Variants in TENM1 observed in about 807,000 individuals in gnomAD.
TENM1 encodes teneurin transmembrane protein 1.
TENM1 carries 35 observed loss-of-function variants against 174.8 expected under a neutral mutation model. That is an observed-to-expected ratio of 0.20 (90% CI 0.15 to 0.27). TENM1 has a LOEUF of 0.27. TENM1 is among the 10% of genes least tolerant of loss of function. The probability of loss-of-function intolerance (pLI) is 1.00; values close to 1 mark genes in which losing one functional copy is unlikely to be tolerated. For synonymous variants in TENM1, 781 were observed against 798.7 expected, an observed-to-expected ratio of 0.98 and a Z score of 0.37; for missense variants, 1,633 against 2,130.1, an observed-to-expected ratio of 0.77 and a Z score of 4.59.
intron 3 of TENM1, among the ~76,000 whole-genome samples, chrX:124,830,404 G>A (rs1004996491): frequency 3.6e-5 from 4 of 112,060 alleles, no homozygotes; most frequent in East Asian, 5.6e-4. Context: ...AGTGAGAACT[G>A]AGAAGCAGTA....
chrX:124,767,029 T>C (rs2054551838), intron 3 of TENM1, among the ~76,000 whole-genome samples: 1 of 112,097 alleles, frequency 8.9e-6, no homozygotes, highest in Non-Finnish European at 1.9e-5. Flanking sequence ...CTTCATTATA[T>C]GTAACATATA....
chrX:125,152,577 A>C, the TENM1 span, among the ~76,000 whole-genome samples: 1 of 112,152 alleles, frequency 8.9e-6, no homozygotes, highest in Non-Finnish European at 1.9e-5. Context: ...AGTTCTAGGA[A>C]CATAAGGAAC....
the TENM1 span, among the ~76,000 whole-genome samples, chrX:125,041,245 A>T: frequency 1.8e-5 from 2 of 111,491 alleles, no homozygotes; most frequent in East Asian, 5.7e-4. Flanking sequence ...AAGTAGTAGA[A>T]ATTCAGATAA....
intron 11 of TENM1, among the ~76,000 whole-genome samples, chrX:124,607,964 G>T (rs948512327): frequency 5.4e-5 from 6 of 111,038 alleles, no homozygotes; most frequent in African/African-American, 2.0e-4. Context: ...TGATCCCAAG[G>T]TTTTGGGTCT....
intron 3 of TENM1, among the ~76,000 whole-genome samples, chrX:124,871,344 T>TGGTA (rs2057104659): frequency 9.0e-6 from 1 of 111,609 alleles, no homozygotes; most frequent in Non-Finnish European, 1.9e-5. Context: ...TGGACAAGGG[T>TGGTA]GGTAGCTGTG....
intron 10 of TENM1, among the ~76,000 whole-genome samples, chrX:124,644,147 T>G (rs1569361561): frequency 1.0e-5 from 1 of 98,250 alleles, no homozygotes; most frequent in African/African-American, 3.7e-5. Flanking sequence ...ATATATAAAT[T>G]TATATATATA....
chrX:125,172,040 G>A, the TENM1 span, among the ~76,000 whole-genome samples: 1 of 111,246 alleles, frequency 9.0e-6, no homozygotes, highest in Non-Finnish European at 1.9e-5. Context: ...TAATTTTAGT[G>A]GACAAGAAAA....
At chrX:124,545,847 C>T (rs1369955191) in intron 15 of TENM1, among the ~76,000 whole-genome samples, 1 of 111,083 alleles carries the variant, frequency 9.0e-6, no homozygotes, top group African/African-American at 3.3e-5. Flanking sequence ...TTGGGTTCTG[C>T]CAGAGACCTA....
rs16999341 is a variant in TENM1, at chrX:124,646,902, A to G, written c.1580-92T>C. 2,101 of 618,222 alleles carry G rather than the reference A, an allele frequency of 3.4e-3. 34 individuals carry two copies. In the African/African-American group the frequency reaches 0.044, roughly 13 times the overall value. The allele number at this position is 618,222 out of a possible 1,213,427, so 50.9% of individuals were successfully genotyped here. A position where few individuals can be genotyped will look rare whatever the true frequency, so the allele number is the denominator to read the frequency against. ...TTTAAGTTGCAGGAACTCTGGACCT[A>G]TGACAATTTTGCCCTTTGCTGTTTG... On this transcript the variant is annotated intron_variant, in intron 8 of 31. Coordinates refer to ENST00000422452, the Ensembl canonical transcript of TENM1.
At chrX:124,533,147 T>G (rs1247607945) in intron 15 of TENM1, among the ~76,000 whole-genome samples, 1 of 111,749 alleles carries the variant, frequency 8.9e-6, no homozygotes, top group East Asian at 2.8e-4. Context: ...GGAGCCTTCA[T>G]ATATATTCTT....
chrX:124,608,043 G>A (rs904164030), intron 11 of TENM1, among the ~76,000 whole-genome samples: 1 of 111,143 alleles, frequency 9.0e-6, no homozygotes, highest in African/African-American at 3.3e-5. Context: ...AGTATAAGGA[G>A]GATAAGTTAC....
At chrX:124,609,437 G>A (rs1442487350) in intron 11 of TENM1, among the ~76,000 whole-genome samples, 1 of 110,724 alleles carries the variant, frequency 9.0e-6, no homozygotes, top group South Asian at 3.8e-4. Flanking sequence ...GGTTTTGAGC[G>A]AGACATGCTA....
the TENM1 span, among the ~76,000 whole-genome samples, chrX:125,189,447 C>T: frequency 8.9e-6 from 1 of 112,284 alleles, no homozygotes; most frequent in African/African-American, 3.2e-5. Flanking sequence ...GCAAAAACAG[C>T]AGAAGCTATT....
At chrX:125,055,687 C>A in the TENM1 span, among the ~76,000 whole-genome samples, 2 of 111,748 alleles carry the variant, frequency 1.8e-5, no homozygotes, top group African/African-American at 6.5e-5. Flanking sequence ...AGGAACAGAC[C>A]AGTGCCGAGG....
the TENM1 span, among the ~76,000 whole-genome samples, chrX:125,018,841 A>G: frequency 8.9e-6 from 1 of 111,799 alleles, no homozygotes; most frequent in Non-Finnish European, 1.9e-5. Flanking sequence ...ATATGAGCGG[A>G]CAGATCTTAG....
At chrX:124,882,309 A>G (rs1267110158) in intron 3 of TENM1, among the ~76,000 whole-genome samples, 1 of 111,834 alleles carries the variant, frequency 8.9e-6, no homozygotes, top group Non-Finnish European at 1.9e-5. Flanking sequence ...ACATGTGCTG[A>G]TAAGAAGAAT....
At chrX:124,383,523 G>A (rs906273698) in intron 30 of TENM1, 111 bp downstream of exon 33, 37 of 713,198 alleles carry the variant, frequency 5.2e-5, no homozygotes, top group Non-Finnish European at 7.0e-5. Flanking sequence ...TAACTTGCGG[G>A]CTAACTGTCA....
At chrX:125,157,660 A>G in the TENM1 span, among the ~76,000 whole-genome samples, 1 of 112,066 alleles carries the variant, frequency 8.9e-6, no homozygotes, top group Non-Finnish European at 1.9e-5. Flanking sequence ...TGCATTATGA[A>G]TTCAGCACTG....
At chrX:124,801,327 C>T (rs929052051) in intron 3 of TENM1, among the ~76,000 whole-genome samples, 7 of 111,587 alleles carry the variant, frequency 6.3e-5, no homozygotes, top group Non-Finnish European at 1.3e-4. Context: ...TTGAATTGAT[C>T]CCTTTTCCAT....
Sources: gnomAD v4.1 joint callset for allele counts (sites outside exome capture counted in the v4.1 genomes callset) on GRCh38, gnomAD v4.1.1 for gene constraint, MANE v1.5 for transcripts, NCBI Gene and HGNC (gene_info 2026-07-23, HGNC 2026-07-21) for gene names.